Variants in DGKB observed in about 807,000 individuals in gnomAD.
DGKB encodes the protein 90 kDa diacylglycerol kinase.
In DGKB, 67 loss-of-function variants were observed where a neutral mutation model predicts 114.3. That is an observed-to-expected ratio of 0.59 (90% CI 0.48 to 0.72). DGKB has a LOEUF of 0.72. Among genes scored for constraint, DGKB ranks in the 30% least tolerant of loss-of-function variants. The pLI is 0.00. For missense variants in DGKB, 907 were observed against 975.2 expected (o/e 0.93, Z 0.93); for synonymous variants, 398 against 323.1 (o/e 1.23, Z -2.49).
chr7:14,218,850 G>A (rs978331056), intron 23 of DGKB, among the ~76,000 whole-genome samples: 34 of 151,690 alleles, frequency 2.2e-4, no homozygotes, highest in African/African-American at 8.2e-4. Context: ...GTAAATTTTA[G>A]AACATTTTCA....
At chr7:14,711,530 T>C (rs1210341907) in intron 6 of DGKB, among the ~76,000 whole-genome samples, 1 of 152,054 alleles carries the variant, frequency 6.6e-6, no homozygotes, top group African/African-American at 2.4e-5. Flanking sequence ...AGAGATGAAA[T>C]AGGTATAAAT....
intron 15 of DGKB, among the ~76,000 whole-genome samples, chr7:14,616,460 A>G (rs11979323): frequency 0.27 from 40,919 of 151,446 alleles, 6,344 homozygotes; most frequent in East Asian, 0.69. Context: ...ATTGTGAAAT[A>G]ATATGTAAAA....
chr7:14,550,013 T>C (rs1392415318), intron 20 of DGKB, among the ~76,000 whole-genome samples: 2 of 151,918 alleles, frequency 1.3e-5, no homozygotes, highest in African/African-American at 4.8e-5. Context: ...ACTTTAGCCA[T>C]TAGTTGCTTA....
chr7:14,489,972 A>G (rs988096480), intron 20 of DGKB, among the ~76,000 whole-genome samples: 1 of 152,194 alleles, frequency 6.6e-6, no homozygotes, highest in Non-Finnish European at 1.5e-5. Flanking sequence ...TAGAAATAAT[A>G]TAACTTTCAC....
chr7:14,854,047 C>T (rs1054238474), intron 1 of DGKB, among the ~76,000 whole-genome samples: 4 of 152,070 alleles, frequency 2.6e-5, no homozygotes, highest in Non-Finnish European at 5.9e-5. Flanking sequence ...TCATTATCTG[C>T]GGTAAGATCA....
rs551396536 is a variant in DGKB, at chr7:14,685,303, A to G, written c.771T>C (p.Tyr257=). The change falls in exon 10 of 26, where the codon TAT becomes TAC. Residue 257 remains tyrosine (Y), a synonymous_variant. Coordinates refer to ENST00000402815, the MANE Select transcript of DGKB (RefSeq NM_001350709.2). ...TCAGCATGTTCAGGCAAAGGTTGCA[A>G]TAGGCAGGTTTGTTAAAGTGCTTCA... is the stretch of plus-strand genomic sequence containing the variant. ...WRLKHFNKPA[Y]CNLCLNMLIG... 12 of 1,613,884 alleles carry G rather than the reference A, an allele frequency of 7.4e-6. No individual in the cohort carries two copies. The highest frequency in any genetic ancestry group is 6.7e-5 in the Admixed American group (4 of 60,024).
intron 1 of DGKB, among the ~76,000 whole-genome samples, chr7:14,869,648 T>C (rs144507406): frequency 2.4e-4 from 36 of 152,292 alleles, no homozygotes; most frequent in African/African-American, 6.3e-4. Context: ...CTGAACTATG[T>C]GAAAATAGAC....
intron 13 of DGKB, among the ~76,000 whole-genome samples, chr7:14,633,032 A>G (rs4143197): frequency 6.6e-6 from 1 of 151,660 alleles, no homozygotes; most frequent in African/African-American, 2.4e-5. Flanking sequence ...TATCCAAAAA[A>G]GAAAAAGAAA....
At chr7:14,520,924 T>C (rs965081215) in intron 20 of DGKB, among the ~76,000 whole-genome samples, 1 of 152,124 alleles carries the variant, frequency 6.6e-6, no homozygotes, top group African/African-American at 2.4e-5. Flanking sequence ...GACCACACTA[T>C]TATGTTCATC....
At chr7:14,381,682 A>G (rs1819500135) in intron 21 of DGKB, among the ~76,000 whole-genome samples, 1 of 152,100 alleles carries the variant, frequency 6.6e-6, no homozygotes, top group Admixed American at 6.5e-5. Flanking sequence ...GATCATATTG[A>G]ACTGCAGCCT....
At chr7:14,407,515 G>A (rs986284385) in intron 21 of DGKB, among the ~76,000 whole-genome samples, 3 of 151,876 alleles carry the variant, frequency 2.0e-5, no homozygotes, top group Non-Finnish European at 4.4e-5. Context: ...AAGCTACCTG[G>A]GTATGCTCTT....
At chr7:14,416,911 T>G (rs1825806801) in intron 21 of DGKB, among the ~76,000 whole-genome samples, 1 of 152,076 alleles carries the variant, frequency 6.6e-6, no homozygotes, top group Admixed American at 6.6e-5. Flanking sequence ...TTGTAACCAT[T>G]GCCTTCAATG....
intron 2 of DGKB, among the ~76,000 whole-genome samples, chr7:14,769,148 A>C (rs889305968): frequency 1.3e-5 from 2 of 150,132 alleles, no homozygotes; most frequent in African/African-American, 4.9e-5. Context: ...AGAAAGAAAG[A>C]AAGAGGGAGG....
chr7:14,340,338 C>T (rs1811408409), intron 22 of DGKB, among the ~76,000 whole-genome samples: 1 of 151,428 alleles, frequency 6.6e-6, no homozygotes, highest in South Asian at 2.1e-4. Context: ...TGTAAATACC[C>T]TGCAGGCCTC....
intron 23 of DGKB, among the ~76,000 whole-genome samples, chr7:14,232,115 C>T (rs1791960915): frequency 6.6e-6 from 1 of 151,826 alleles, no homozygotes; most frequent in African/African-American, 2.4e-5. Flanking sequence ...CTCTTTTCCT[C>T]TCCTATATGG....
intron 13 of DGKB, among the ~76,000 whole-genome samples, chr7:14,663,138 G>A (rs1170873773): frequency 2.0e-5 from 3 of 151,936 alleles, no homozygotes; most frequent in African/African-American, 7.2e-5. Context: ...ATGGTATACT[G>A]CCAGAGTTCT....
chr7:14,746,758 C>G (rs1833348376), intron 4 of DGKB, among the ~76,000 whole-genome samples: 1 of 152,152 alleles, frequency 6.6e-6, no homozygotes, highest in Non-Finnish European at 1.5e-5. Flanking sequence ...CTCGGCCTCC[C>G]AAAATACTGG....
intron 17 of DGKB, among the ~76,000 whole-genome samples, chr7:14,606,664 T>A (rs1383523032): frequency 6.6e-6 from 1 of 151,952 alleles, no homozygotes; most frequent in Non-Finnish European, 1.5e-5. Flanking sequence ...TGGTCTAATG[T>A]TTACCCTCAT....
At chr7:14,253,512 T>G (rs2128396070) in intron 23 of DGKB, among the ~76,000 whole-genome samples, 1 of 152,334 alleles carries the variant, frequency 6.6e-6, no homozygotes, top group South Asian at 2.1e-4. Flanking sequence ...TTGCCTAATC[T>G]TAATAATTGA....
Sources: gnomAD v4.1 joint callset for allele counts (sites outside exome capture counted in the v4.1 genomes callset) on GRCh38, gnomAD v4.1.1 for gene constraint, MANE v1.5 for transcripts, NCBI Gene and HGNC (gene_info 2026-07-23, HGNC 2026-07-21) for gene names.